The following ERBB4 variants were observed in gnomAD, a reference collection of about 807,000 sequenced individuals.
The protein encoded by ERBB4 is receptor tyrosine-protein kinase erbB-4.
Under a neutral mutation model 158.0 loss-of-function variants are expected in ERBB4, and 42 were observed. The ratio of observed to expected loss-of-function variants is 0.27; its 90% CI spans 0.21 to 0.34. ERBB4 has a LOEUF of 0.34. Ranked by LOEUF, ERBB4 falls within the 10% of genes least tolerant of loss-of-function variation. The probability of loss-of-function intolerance (pLI) is 1.00; values close to 1 mark genes in which losing one functional copy is unlikely to be tolerated. For synonymous variants in ERBB4, 583 were observed against 558.7 expected, an observed-to-expected ratio of 1.04 and a Z score of -0.61; for missense variants, 1,333 against 1,624.1, an observed-to-expected ratio of 0.82 and a Z score of 3.08.
At chr2:211,778,191 G>A (rs2075935555) in intron 4 of ERBB4, 1 of 152,180 alleles carries the variant, frequency 6.6e-6, no homozygotes, top group South Asian at 2.1e-4. Flanking sequence ...GTGAACAGTG[G>A]CCTTGACCTC....
intron 3 of ERBB4, among the ~76,000 whole-genome samples, chr2:211,930,744 T>A (rs1012945566): frequency 1.3e-5 from 2 of 152,146 alleles, no homozygotes; most frequent in African/African-American, 4.8e-5. Flanking sequence ...ATAAATTAGA[T>A]CTTAGCCAAT....
chr2:211,486,515 T>C (rs2065207500), intron 20 of ERBB4, among the ~76,000 whole-genome samples: 1 of 151,700 alleles, frequency 6.6e-6, no homozygotes, highest in African/African-American at 2.4e-5. Context: ...TAAGATGCAG[T>C]AGTTTTCTAT....
intron 4 of ERBB4, among the ~76,000 whole-genome samples, chr2:211,764,746 G>A (rs1400604903): frequency 6.6e-6 from 1 of 151,640 alleles, no homozygotes; most frequent in East Asian, 2.0e-4. Context: ...TGGGACAAAG[G>A]AGGGAAGAGC....
At chr2:211,696,223 G>A (rs1208669173) in intron 12 of ERBB4, among the ~76,000 whole-genome samples, 1 of 151,946 alleles carries the variant, frequency 6.6e-6, no homozygotes, top group East Asian at 1.9e-4. Context: ...TGATTTTCCT[G>A]CCTCAGCCTC....
chr2:211,642,583 A>T (rs2070637471), intron 16 of ERBB4, among the ~76,000 whole-genome samples: 1 of 152,136 alleles, frequency 6.6e-6, no homozygotes, highest in African/African-American at 2.4e-5. Context: ...TAAAGGTAAA[A>T]TAAAAGAATT....
chr2:212,030,701 C>A (rs1159718406), intron 2 of ERBB4, among the ~76,000 whole-genome samples: 2 of 152,082 alleles, frequency 1.3e-5, no homozygotes, highest in Non-Finnish European at 2.9e-5. Context: ...TTATTTAGCA[C>A]AATGGGCAAG....
chr2:211,572,354 A>T (rs1220628826), intron 19 of ERBB4, among the ~76,000 whole-genome samples: 1 of 152,174 alleles, frequency 6.6e-6, no homozygotes, highest in East Asian at 1.9e-4. Context: ...TGACGCTAAC[A>T]ATCTGTGACA....
chr2:212,089,142 T>A (rs953371193), intron 2 of ERBB4, among the ~76,000 whole-genome samples: 6 of 152,158 alleles, frequency 3.9e-5, no homozygotes, highest in African/African-American at 1.4e-4. Context: ...TAAGACTATA[T>A]ACAAATACCA....
intron 4 of ERBB4, among the ~76,000 whole-genome samples, chr2:211,758,870 C>T (rs977731980): frequency 1.3e-5 from 2 of 152,198 alleles, no homozygotes; most frequent in Non-Finnish European, 2.9e-5. Flanking sequence ...CCTCATATAA[C>T]CTGAATAGTC....
At chr2:211,718,682 G>A (rs1456789464) in intron 7 of ERBB4, among the ~76,000 whole-genome samples, 2 of 151,380 alleles carry the variant, frequency 1.3e-5, no homozygotes, top group African/African-American at 4.9e-5. Context: ...TACTACTGAT[G>A]AGCAATCATA....
intron 20 of ERBB4, among the ~76,000 whole-genome samples, chr2:211,533,803 CA>C (rs1384914039): frequency 2.6e-5 from 4 of 151,900 alleles, no homozygotes; most frequent in Non-Finnish European, 1.5e-5. Flanking sequence ...TCATATATGA[CA>C]AAATAACAGT....
intron 4 of ERBB4, among the ~76,000 whole-genome samples, chr2:211,773,290 C>G (rs938074528): frequency 9.3e-5 from 14 of 151,068 alleles, no homozygotes; most frequent in Admixed American, 5.9e-4. Context: ...TAAGTAGAAA[C>G]TAATTAATAA....
chr2:211,957,330 A>T (rs571831516), intron 2 of ERBB4, among the ~76,000 whole-genome samples: 3 of 152,132 alleles, frequency 2.0e-5, no homozygotes, highest in Non-Finnish European at 4.4e-5. Flanking sequence ...GAGAAAACAC[A>T]GAGAGAAGTT....
intron 2 of ERBB4, among the ~76,000 whole-genome samples, chr2:212,015,538 C>T (rs1424828184): frequency 1.3e-5 from 2 of 152,128 alleles, no homozygotes; most frequent in Admixed American, 6.5e-5. Flanking sequence ...CTCCACTCCC[C>T]TCCTGGCATG....
chr2:211,738,918 C>A (rs2074699720), intron 5 of ERBB4, among the ~76,000 whole-genome samples: 1 of 152,142 alleles, frequency 6.6e-6, no homozygotes, highest in Non-Finnish European at 1.5e-5. Flanking sequence ...GGATTACAGG[C>A]ATGAACCATT....
At chr2:211,806,661 G>A (rs1316088954) in intron 3 of ERBB4, among the ~76,000 whole-genome samples, 1 of 152,074 alleles carries the variant, frequency 6.6e-6, no homozygotes, top group Admixed American at 6.6e-5. Context: ...AGGGAAAAGG[G>A]GGACTGATAT....
At chr2:212,370,558 TTTAAAAA>T (rs2090050035) in intron 1 of ERBB4, among the ~76,000 whole-genome samples, 1 of 152,136 alleles carries the variant, frequency 6.6e-6, no homozygotes, top group African/African-American at 2.4e-5. Flanking sequence ...GGGCCTTGAA[TTTAAAAA>T]TTTCCAGGGT....
chr2:211,703,658 C>T lies in ERBB4; in HGVS notation c.1289+446G>A, dbSNP rs73082638. 7.9e-3 allele frequency among the ~76,000 whole-genome samples: 1,202 copies of T among 152,222 alleles called. 11 individuals carry two copies. Among genetic ancestry groups the T allele is most frequent in the African/African-American group, 0.027 (1,130 of 41,534 alleles). ...CATTTATTAACCAGCACTACACGTACAGTGGTGGACGAGTTCCTAAAACAT... is the reference window on the plus strand; with the variant it reads ...CATTTATTAACCAGCACTACACGTATAGTGGTGGACGAGTTCCTAAAACAT... On this transcript the variant is annotated intron_variant, in intron 11 of 27. Transcript: ENST00000342788.
intron 26 of ERBB4, among the ~76,000 whole-genome samples, chr2:211,387,525 A>C (rs1208626942): frequency 2.0e-5 from 3 of 152,192 alleles, no homozygotes; most frequent in Non-Finnish European, 4.4e-5. Flanking sequence ...TTAAGAATAG[A>C]AGTACATGGA....
Sources: gnomAD v4.1 joint callset for allele counts (sites outside exome capture counted in the v4.1 genomes callset) on GRCh38, gnomAD v4.1.1 for gene constraint, MANE v1.5 for transcripts, NCBI Gene and HGNC (gene_info 2026-07-23, HGNC 2026-07-21) for gene names.